The following BCL9L variants were observed in gnomAD, a reference collection of about 807,000 sequenced individuals.
The protein encoded by BCL9L is B-cell CLL/lymphoma 9-like protein.
BCL9L carries 19 observed loss-of-function variants against 99.4 expected under a neutral mutation model. The observed-to-expected ratio is 0.19, with a 90% confidence interval of 0.13 to 0.28. BCL9L has a LOEUF of 0.28. BCL9L is among the 10% of genes least tolerant of loss of function. BCL9L has a pLI of 1.00. For missense variants in BCL9L, 2,023 were observed against 2,101.6 expected (o/e 0.96, Z 0.73); for synonymous variants, 900 against 854.8 (o/e 1.05, Z -0.92).
intron 9 of BCL9L, 138 bp from the exon 10 acceptor site, chr11:118,899,646 G>T: frequency 8.3e-7 from 1 of 1,208,408 alleles, no homozygotes; most frequent in Non-Finnish European, 1.2e-6. Flanking sequence ...TGGCTGGGAG[G>T]GAAGGGACTG....
At chr11:118,923,668 T>C (rs946643651) in intron 1 of BCL9L, among the ~76,000 whole-genome samples, 1 of 152,170 alleles carries the variant, frequency 6.6e-6, no homozygotes, top group Admixed American at 6.5e-5. Flanking sequence ...GTATTCTACC[T>C]GCCCCTCAGC....
chr11:118,909,840 G>GCCCTTCCCTTCCCGCA, intron 3 of BCL9L, 74 bp downstream of exon 3: 1 of 1,610,990 alleles, frequency 6.2e-7, no homozygotes, highest in East Asian at 2.2e-5. Flanking sequence ...CACAGCTTGG[G>GCCCTTCCCTTCCCGCA]CCCCATCACC....
chr11:118,912,523 C>G (rs928985544), intron 2 of BCL9L, among the ~76,000 whole-genome samples: 1 of 152,174 alleles, frequency 6.6e-6, no homozygotes, highest in Non-Finnish European at 1.5e-5. Context: ...AGCTAGCAGC[C>G]TAAGGGTTGC....
At chr11:118,912,500 A>ACG (rs1940834361) in intron 2 of BCL9L, among the ~76,000 whole-genome samples, 1 of 152,166 alleles carries the variant, frequency 6.6e-6, no homozygotes, top group African/African-American at 2.4e-5. Context: ...ACCCCGAGTG[A>ACG]CGCGAGGGTA....
Position 118,914,731 on chromosome 11 carries a change from C to A in BCL9L, c.-77+4095G>T, listed in dbSNP as rs1041867249. ...ACAGGCAGGGTCCCCTGTCCCCAGG[C>A]CTCCTCTCCCACACCCATTCAGTAA... is the stretch of plus-strand genomic sequence containing the variant. On this transcript the variant is annotated intron_variant, in intron 2 of 9. Coordinates refer to ENST00000683865, the MANE Select transcript of BCL9L (RefSeq NM_001378213.1). The surrounding 1 kb of genome is among the most constrained non-coding windows in gnomAD (Gnocchi z 4.4). Among the ~76,000 whole-genome samples, 1 of 152,220 alleles carries A rather than the reference C, an allele frequency of 6.6e-6. No homozygotes were observed. The highest frequency in any genetic ancestry group is 1.5e-5 in the Non-Finnish European group (1 of 68,032).
In BCL9L at chr11:118,902,965, C is replaced by G. The variant is rs1213500860; in HGVS notation, c.834+25G>C. ...TAAGGGGACGTTCCACCCAGTCCTG[C>G]TGCTCACAGAGGCGCCACGCTCACC... On this transcript the variant is annotated intron_variant, in intron 7 of 9. Transcript: ENST00000683865. The surrounding 1 kb of genome is among the most constrained non-coding windows in gnomAD (Gnocchi z 7.8). The G allele has an allele frequency of 6.3e-7, 1 of 1,595,468 alleles. No individual in the cohort carries two copies. The highest frequency in any genetic ancestry group is 8.5e-7 in the Non-Finnish European group (1 of 1,175,758).
chr11:118,907,721 C>A, intron 4 of BCL9L, 119 bp from the exon 5 acceptor site: 1 of 1,455,860 alleles, frequency 6.9e-7, no homozygotes, highest in South Asian at 1.3e-5. Context: ...ACTGCCCAGG[C>A]CATGGTGGGC....
chr11:118,900,349 C>T lies in BCL9L; in HGVS notation c.3125-151G>A, dbSNP rs1940162870. 6 of 1,149,800 alleles carry T rather than the reference C, an allele frequency of 5.2e-6. No homozygotes were observed. In the South Asian group the frequency reaches 1.0e-4, roughly 19 times the overall value. The allele number at this position is 1,149,800 out of a possible 1,614,324, so 71.2% of individuals were successfully genotyped here. ...ACAGGCCCCCACTATCTCCAGAGCCCACCAGTCTTCAAGCAATTCCTGCAG... is the reference window on the plus strand; with the variant it reads ...ACAGGCCCCCACTATCTCCAGAGCCTACCAGTCTTCAAGCAATTCCTGCAG... On this transcript the variant is annotated intron_variant, in intron 8 of 9. Coordinates refer to ENST00000683865, the MANE Select transcript of BCL9L (RefSeq NM_001378213.1). This position sits in a 1 kb window ranked among gnomAD's most constrained non-coding sequence, Gnocchi z 5.3.
At chr11:118,899,611 C>G in intron 9 of BCL9L, 103 bp from the exon 10 acceptor site, 2 of 1,432,156 alleles carry the variant, frequency 1.4e-6, no homozygotes, top group Non-Finnish European at 1.9e-6. Context: ...TGCCAGAGGT[C>G]AAAGTCTTCA....
At chr11:118,908,880 C>G (rs1445041683) in intron 3 of BCL9L, among the ~76,000 whole-genome samples, 1 of 152,116 alleles carries the variant, frequency 6.6e-6, no homozygotes, top group Non-Finnish European at 1.5e-5. Context: ...AAACCCTCCA[C>G]CCCCTAGCCT....
chr11:118,908,588 G>T lies in BCL9L; in HGVS notation c.94C>A (p.Pro32Thr), dbSNP rs563697755. 10 of 1,613,772 alleles carry T rather than the reference G, an allele frequency of 6.2e-6. No individual in the cohort carries two copies. In the Admixed American group the frequency reaches 1.5e-4, roughly 24 times the overall value. ...GGGTGCATTGGCTTGGCTGGGGCAGGGGGGCAATGACCGCGGGGGGACAGC... is the reference window on the plus strand; with the variant it reads ...GGGTGCATTGGCTTGGCTGGGGCAGTGGGGCAATGACCGCGGGGGGACAGC... ...PPLSPRGHCP[P>T]APAKPMHPEN... The change falls in exon 4 of 10, where the codon CCT becomes ACT. Residue 32 changes from proline (P) to threonine (T), a missense_variant. Pro to Thr is a conservative substitution (Grantham distance 38). This residue lies in a region of BCL9L where 1,116 missense variants were observed against 1,194.6 expected (regional missense o/e 0.93). Coordinates refer to ENST00000683865, the MANE Select transcript of BCL9L (RefSeq NM_001378213.1).
intron 5 of BCL9L, among the ~76,000 whole-genome samples, chr11:118,904,455 A>T (rs1940422860): frequency 6.6e-6 from 1 of 152,180 alleles, no homozygotes; most frequent in Non-Finnish European, 1.5e-5. Flanking sequence ...TAAATAAATA[A>T]ATAAAAATAA....
At chr11:118,908,737 T>G in intron 3 of BCL9L, 82 bp from the exon 4 acceptor site, 3 of 1,239,370 alleles carry the variant, frequency 2.4e-6, no homozygotes, top group Non-Finnish European at 3.3e-6. Context: ...CCATCCTGCC[T>G]CCCCTAACAA....
chr11:118,899,069 G>A lies in BCL9L; in HGVS notation c.3846C>T (p.Gly1282=). ...GPMPPQQHLM[G]KAMAGRMGDA... ...CGCCCATGCGCCCAGCCATGGCTTT[G>A]CCCATCAGGTGCTGCTGGGGAGGCA... The change falls in exon 10 of 10, where the codon GGC becomes GGT. Residue 1282 remains glycine (G), a synonymous_variant. Coordinates refer to ENST00000683865, the MANE Select transcript of BCL9L (RefSeq NM_001378213.1). 1 of 1,609,832 alleles carries A rather than the reference G, an allele frequency of 6.2e-7. No individual in the cohort carries two copies. Among genetic ancestry groups the A allele is most frequent in the Non-Finnish European group, 8.5e-7 (1 of 1,178,502 alleles).
intron 4 of BCL9L, among the ~76,000 whole-genome samples, 172 bp downstream of exon 4, chr11:118,908,098 C>T (rs191613453): frequency 5.3e-5 from 8 of 152,310 alleles, no homozygotes; most frequent in Admixed American, 5.2e-4. Context: ...ATGGCCAACC[C>T]CAATCCCGAA....
chr11:118,901,995 G>T lies in BCL9L; in HGVS notation c.1748C>A (p.Pro583His). The change falls in exon 8 of 10, where the codon CCC (proline) becomes CAC (histidine). Residue 583 changes from proline (P) to histidine (H), a missense_variant. Pro to His is a moderately conservative substitution (Grantham distance 77, BLOSUM62 -2). Around this residue, in one of 3 missense-constraint regions of BCL9L, gnomAD observed 1,116 missense variants for 1,194.6 expected, o/e 0.93. Coordinates refer to ENST00000683865, the MANE Select transcript of BCL9L (RefSeq NM_001378213.1). The surrounding 1 kb of genome is among the most constrained non-coding windows in gnomAD (Gnocchi z 6.6). ...PPGMGAQLRG[P>H]MDVQDPMQLR... ...CTGCATGGGATCTTGAACATCCATG[G>T]GCCCCCGCAGCTGCGCACCCATTCC... The T allele has an allele frequency of 1.9e-6, 3 of 1,613,248 alleles. No individual in the cohort carries two copies. Among genetic ancestry groups the T allele is most frequent in the Non-Finnish European group, 1.7e-6 (2 of 1,179,858 alleles).
chr11:118,922,500 G>C lies in BCL9L; in HGVS notation c.-131+2738C>G, dbSNP rs947652516. Among the ~76,000 whole-genome samples, 1 of 152,194 alleles carries C rather than the reference G, an allele frequency of 6.6e-6. No homozygotes were observed. The highest frequency in any genetic ancestry group is 1.5e-5 in the Non-Finnish European group (1 of 68,004). ...TGTTTGTGGGTGGGCAGCTGTCGGG[G>C]CTGGCAGGCAGGGGCACACATGCGG... is the stretch of plus-strand genomic sequence containing the variant. On this transcript the variant is annotated intron_variant, in intron 1 of 9. Transcript: ENST00000683865. This position sits in a 1 kb window ranked among gnomAD's most constrained non-coding sequence, Gnocchi z 6.2.
In BCL9L at chr11:118,903,504, A is replaced by T; in HGVS notation, c.533-52T>A. The T allele has an allele frequency of 6.4e-7, 1 of 1,573,600 alleles. No homozygotes were observed. The highest frequency in any genetic ancestry group is 8.7e-7 in the Non-Finnish European group (1 of 1,148,896). On this transcript the variant is annotated intron_variant, in intron 5 of 9. Coordinates refer to ENST00000683865, the MANE Select transcript of BCL9L (RefSeq NM_001378213.1). The surrounding 1 kb of genome is among the most constrained non-coding windows in gnomAD (Gnocchi z 5.6). ...GCTAAGTGGTCTAGATACAAGAAGGACCAGCTGATGCCCCCTCCCACTGAT... is the reference window on the plus strand; with the variant it reads ...GCTAAGTGGTCTAGATACAAGAAGGTCCAGCTGATGCCCCCTCCCACTGAT...
rs1342818589 is a variant in BCL9L at position 118,914,040 on chromosome 11, C to T, written c.-76-4025G>A. 6.6e-6 allele frequency among the ~76,000 whole-genome samples: 1 copy of T among 152,140 alleles called. No homozygotes were observed. Among genetic ancestry groups the T allele is most frequent in the Non-Finnish European group, 1.5e-5 (1 of 68,020 alleles). On this transcript the variant is annotated intron_variant, in intron 2 of 9. Transcript: ENST00000683865. The surrounding 1 kb of genome is among the most constrained non-coding windows in gnomAD (Gnocchi z 4.4). ...GGTACTTCCTGTCCCCTGGCACCTG[C>T]ACCAGGGTGGGGGTAGGAGATGATC...
Sources: allele counts gnomAD v4.1 joint callset (sites outside exome capture counted in the v4.1 genomes callset), GRCh38; gene constraint gnomAD v4.1.1; regional missense constraint gnomAD v4.1.1; non-coding constraint Gnocchi (gnomAD v3.1); transcripts MANE v1.5; gene names NCBI Gene and HGNC (gene_info 2026-07-23, HGNC 2026-07-21).